The following THOC1 variants were observed in gnomAD, a reference collection of about 807,000 sequenced individuals.
THOC1 encodes THO complex 1.
Under a neutral mutation model 97.3 loss-of-function variants are expected in THOC1, and 29 were observed. The ratio of observed to expected loss-of-function variants is 0.30; its 90% CI spans 0.22 to 0.41. The LOEUF (loss-of-function observed/expected upper bound fraction) is 0.41. Among genes scored for constraint, THOC1 ranks in the 10% least tolerant of loss-of-function variants. The probability of loss-of-function intolerance (pLI) is 1.00; values close to 1 mark genes in which losing one functional copy is unlikely to be tolerated. For synonymous variants in THOC1, 255 were observed against 257.0 expected, an observed-to-expected ratio of 0.99 and a Z score of 0.07; for missense variants, 529 against 761.9, an observed-to-expected ratio of 0.69 and a Z score of 3.60.
intron 12 of THOC1, chr18:225,648 T>G: frequency 2.1e-6 from 1 of 486,780 alleles, no homozygotes; most frequent in East Asian, 3.5e-5. Context: ...ATCAATCAGA[T>G]TCACTATGAA....
intron 11 of THOC1, among the ~76,000 whole-genome samples, chr18:230,656 T>C (rs1911453627): frequency 1.3e-5 from 2 of 152,256 alleles, no homozygotes; most frequent in African/African-American, 4.8e-5. Flanking sequence ...CTTTCTTTCA[T>C]AATATCTACT....
At chr18:236,557 G>A (rs929709513) in intron 11 of THOC1, among the ~76,000 whole-genome samples, 9 of 151,634 alleles carry the variant, frequency 5.9e-5, no homozygotes, top group Non-Finnish European at 1.3e-4. Context: ...TAGAGACAGG[G>A]TTTCACCGTG....
In THOC1 at chr18:242,788, A is replaced by G. The variant is rs1055304924; in HGVS notation, c.918+3536T>C. Among the ~76,000 whole-genome samples, 1 of 152,188 alleles carries G rather than the reference A, an allele frequency of 6.6e-6. No homozygotes were observed. Among genetic ancestry groups the G allele is most frequent in the Non-Finnish European group, 1.5e-5 (1 of 68,036 alleles). ...TTACCAAATCTATATCAAAAGTTGA[A>G]AGTAACATCAGGCCCAAAACTGGCA... On this transcript the variant is annotated intron_variant, in intron 11 of 20. Coordinates refer to ENST00000261600, the MANE Select transcript of THOC1 (RefSeq NM_005131.3). This position sits in a 1 kb window ranked among gnomAD's most constrained non-coding sequence, Gnocchi z 4.5.
rs1347370046 is a variant in THOC1, at chr18:254,291, T to C, written c.585A>G (p.Glu195=). ...GCCTCACCTTCTGACCCAGGGTGCT[T>C]TCCTGCTCATTTGTATTGAAAACAG... ...NVTVFNTNEQ[E]STLGQKHTED... Residue 195 remains glutamate (E), a synonymous_variant, in exon 8 of 21, where the codon GAA becomes GAG. Coordinates refer to ENST00000261600, the MANE Select transcript of THOC1 (RefSeq NM_005131.3). The surrounding 1 kb of genome is among the most constrained non-coding windows in gnomAD (Gnocchi z 4.1). 7 of 1,583,488 alleles carry C rather than the reference T, an allele frequency of 4.4e-6. No individual in the cohort carries two copies. Among genetic ancestry groups the C allele is most frequent in the African/African-American group, 2.7e-5 (2 of 74,384 alleles).
At chr18:253,811 A>T (rs1363480636) in intron 8 of THOC1, among the ~76,000 whole-genome samples, 2 of 152,104 alleles carry the variant, frequency 1.3e-5, no homozygotes, top group East Asian at 3.8e-4. Context: ...CACTGGTTGA[A>T]TTTTTTACAT....
intron 15 of THOC1, 37 bp downstream of exon 15, chr18:224,887 T>G: frequency 2.7e-6 from 4 of 1,492,106 alleles, no homozygotes; most frequent in Non-Finnish European, 3.7e-6. Context: ...GTTCTTGTGA[T>G]GAGTATGTAT....
intron 11 of THOC1, among the ~76,000 whole-genome samples, chr18:236,436 A>C (rs1420976535): frequency 6.8e-6 from 1 of 147,098 alleles, no homozygotes; most frequent in African/African-American, 2.5e-5. Flanking sequence ...GCTCACTGCA[A>C]GCTCCGCCTC....
At chr18:215,004 T>A in intron 20 of THOC1, 83 bp from the exon 21 acceptor site, 1 of 1,235,982 alleles carries the variant, frequency 8.1e-7, no homozygotes, top group Non-Finnish European at 1.1e-6. Context: ...TAAGTTTTAT[T>A]AACCACCTTT....
At chr18:256,741 G>A (rs1401041748) in intron 7 of THOC1, among the ~76,000 whole-genome samples, 1 of 152,106 alleles carries the variant, frequency 6.6e-6, no homozygotes, top group Non-Finnish European at 1.5e-5. Flanking sequence ...GTAGCGGCAG[G>A]GTTTGAGAGG....
At chr18:245,888 G>C (rs189893385) in intron 11 of THOC1, 291 of 153,694 alleles carry the variant, frequency 1.9e-3, no homozygotes, top group Non-Finnish European at 3.1e-3. Context: ...GTGCCATCTT[G>C]ACTAGAAACT....
Position 259,666 on chromosome 18 carries a change from T to C in THOC1, c.424+16A>G. On this transcript the variant is annotated intron_variant, in intron 6 of 20. Transcript: ENST00000261600. ...TTACACTTAAAAAGCAATCATTTTATCACTCAATTACTTACCATTGCACAT... is the reference window on the plus strand; with the variant it reads ...TTACACTTAAAAAGCAATCATTTTACCACTCAATTACTTACCATTGCACAT... 6.5e-7 allele frequency: 1 copy of C among 1,529,222 alleles called. No homozygotes were observed. The highest frequency in any genetic ancestry group is 1.2e-5 in the South Asian group (1 of 80,040). The allele number at this position is 1,529,222 out of a possible 1,614,324, so 94.7% of individuals were successfully genotyped here. A position where few individuals can be genotyped will look rare whatever the true frequency, so the allele number is the denominator to read the frequency against.
At chr18:263,915 T>C in intron 4 of THOC1, 111 bp downstream of exon 4, 1 of 810,214 alleles carries the variant, frequency 1.2e-6, no homozygotes, top group South Asian at 2.0e-5. Flanking sequence ...AGGCAGAACT[T>C]GAAGAATAAA....
intron 11 of THOC1, among the ~76,000 whole-genome samples, chr18:241,606 G>C (rs929956858): frequency 6.6e-6 from 1 of 152,204 alleles, no homozygotes; most frequent in African/African-American, 2.4e-5. Flanking sequence ...AAAGTGAGAA[G>C]TGTATTATTC....
intron 12 of THOC1, chr18:226,523 A>G (rs953842644): frequency 6.6e-6 from 2 of 303,634 alleles, no homozygotes; most frequent in Non-Finnish European, 1.2e-5. Context: ...GAAGGGAATG[A>G]CGGAATTTTG....
chr18:226,749 T>C, intron 12 of THOC1, 52 bp downstream of exon 12: 2 of 1,370,656 alleles, frequency 1.5e-6, no homozygotes, highest in Non-Finnish European at 2.0e-6. Flanking sequence ...AAGCAAGTCC[T>C]TTTTTTTCTT....
chr18:266,338 G>A (rs1466774493), intron 1 of THOC1, among the ~76,000 whole-genome samples: 5 of 151,842 alleles, frequency 3.3e-5, no homozygotes, highest in African/African-American at 7.3e-5. Flanking sequence ...CTTCATTTTC[G>A]TCACCAGTTA....
chr18:227,749 C>T (rs1046561940), intron 11 of THOC1, among the ~76,000 whole-genome samples: 1 of 152,108 alleles, frequency 6.6e-6, no homozygotes, highest in South Asian at 2.1e-4. Flanking sequence ...TCAAAAACTA[C>T]AGTAACAAAG....
intron 9 of THOC1, among the ~76,000 whole-genome samples, chr18:250,619 A>G (rs1483240035): frequency 6.6e-6 from 1 of 152,188 alleles, no homozygotes; most frequent in Non-Finnish European, 1.5e-5. Flanking sequence ...TCTGAAATGG[A>G]CTTCATATTG....
At chr18:252,737 A>G (rs986738138) in intron 8 of THOC1, 125 bp from the exon 9 acceptor site, 2 of 737,712 alleles carry the variant, frequency 2.7e-6, no homozygotes, top group East Asian at 2.6e-5. Flanking sequence ...CTAGTCACTA[A>G]CTATCTAGAC....
Sources: gnomAD v4.1 joint callset for allele counts (sites outside exome capture counted in the v4.1 genomes callset) on GRCh38, gnomAD v4.1.1 for gene constraint, Gnocchi (gnomAD v3.1) non-coding constraint, MANE v1.5 for transcripts, NCBI Gene and HGNC (gene_info 2026-07-23, HGNC 2026-07-21) for gene names.